TRPS1: variants seen among roughly 807,000 people sequenced by gnomAD.
TRPS1 encodes zinc finger transcription factor Trps1.
Under a neutral mutation model 101.2 loss-of-function variants are expected in TRPS1, and 6 were observed. That is an observed-to-expected ratio of 0.06 (90% CI 0.03 to 0.12). The LOEUF (loss-of-function observed/expected upper bound fraction) is 0.12. Among genes scored for constraint, TRPS1 ranks in the 10% least tolerant of loss-of-function variants. TRPS1 has a pLI of 1.00. For missense variants in TRPS1, 1,363 were observed against 1,567.0 expected, an observed-to-expected ratio of 0.87 and a Z score of 2.20; for synonymous variants, 578 against 589.8, an observed-to-expected ratio of 0.98 and a Z score of 0.29.
At chr8:115,658,312 C>G (rs557737097) in intron 1 of TRPS1, among the ~76,000 whole-genome samples, 2 of 151,990 alleles carry the variant, frequency 1.3e-5, no homozygotes, top group Non-Finnish European at 2.9e-5. Flanking sequence ...CACGCAAAGC[C>G]GGAACTGATG....
chr8:115,449,982 CACACACAGACAT>C (rs1813827459), intron 5 of TRPS1, among the ~76,000 whole-genome samples: 1 of 151,758 alleles, frequency 6.6e-6, no homozygotes, highest in African/African-American at 2.4e-5. Context: ...CACACACACA[CACACACAGACAT>C]ACACACACAG....
At chr8:115,491,089 G>C (rs1226809544) in intron 5 of TRPS1, among the ~76,000 whole-genome samples, 1 of 152,134 alleles carries the variant, frequency 6.6e-6, no homozygotes, top group Admixed American at 6.5e-5. Flanking sequence ...CCCTTCTGAG[G>C]TGCTAACTGG....
At chr8:115,525,654 A>C (rs1047823387) in intron 5 of TRPS1, among the ~76,000 whole-genome samples, 13 of 152,312 alleles carry the variant, frequency 8.5e-5, no homozygotes, top group Admixed American at 7.8e-4. Context: ...TTAGAAACAA[A>C]GCTTCTGAAT....
chr8:115,421,433 T>C (rs1032468596), intron 5 of TRPS1, among the ~76,000 whole-genome samples: 1 of 152,240 alleles, frequency 6.6e-6, no homozygotes, highest in African/African-American at 2.4e-5. Flanking sequence ...TGAATCTTGT[T>C]ATTGAATATT....
intron 1 of TRPS1, among the ~76,000 whole-genome samples, chr8:115,661,890 T>C (rs148080419): frequency 3.3e-5 from 5 of 152,086 alleles, no homozygotes; most frequent in African/African-American, 9.6e-5. Context: ...TGCTAAACTT[T>C]ATTGCTTTTC....
At chr8:115,460,489 A>C (rs1211925146) in intron 5 of TRPS1, among the ~76,000 whole-genome samples, 2 of 152,072 alleles carry the variant, frequency 1.3e-5, no homozygotes, top group Admixed American at 6.6e-5. Context: ...CCTGAATAAT[A>C]GATAAATATT....
intron 3 of TRPS1, among the ~76,000 whole-genome samples, chr8:115,608,336 C>T (rs528942795): frequency 1.3e-5 from 2 of 152,126 alleles, no homozygotes; most frequent in Admixed American, 6.5e-5. Flanking sequence ...CGTATTTATC[C>T]CTCTAATTAG....
At chr8:115,461,625 CAATT>C (rs1814181635) in intron 5 of TRPS1, among the ~76,000 whole-genome samples, 1 of 152,094 alleles carries the variant, frequency 6.6e-6, no homozygotes, top group Non-Finnish European at 1.5e-5. Flanking sequence ...TCTCTTAAGT[CAATT>C]AATATTTCTG....
At chr8:115,625,981 A>T (rs1190092945) in intron 1 of TRPS1, among the ~76,000 whole-genome samples, 2 of 151,916 alleles carry the variant, frequency 1.3e-5, no homozygotes, top group East Asian at 3.8e-4. Flanking sequence ...AAGAAAAGTC[A>T]TCGATGGTCT....
intron 5 of TRPS1, among the ~76,000 whole-genome samples, chr8:115,523,408 T>C (rs1815916323): frequency 6.6e-6 from 1 of 152,066 alleles, no homozygotes; most frequent in Non-Finnish European, 1.5e-5. Flanking sequence ...TATGAACATG[T>C]GGGTACATGT....
At chr8:115,452,544 T>A (rs1457433860) in intron 5 of TRPS1, among the ~76,000 whole-genome samples, 1 of 152,242 alleles carries the variant, frequency 6.6e-6, no homozygotes, top group African/African-American at 2.4e-5. Flanking sequence ...TTCTGACAGA[T>A]ATAAGACAGT....
intron 3 of TRPS1, among the ~76,000 whole-genome samples, chr8:115,611,947 T>A (rs1203078362): frequency 6.6e-6 from 1 of 152,158 alleles, no homozygotes; most frequent in Admixed American, 6.5e-5. Context: ...TAAGCAAGTA[T>A]AATTAGATGA....
At chr8:115,547,530 C>CATCACACACAGGTTAGTGTTTCAA (rs1331353979) in intron 5 of TRPS1, among the ~76,000 whole-genome samples, 3 of 152,156 alleles carry the variant, frequency 2.0e-5, no homozygotes, top group African/African-American at 7.2e-5. Context: ...TCATTAAACG[C>CATCACACACAGGTTAGTGTTTCAA]ATCACACACA....
In TRPS1 at chr8:115,604,476, T is replaced by A. The variant is rs1441952451; in HGVS notation, c.1493A>T (p.Asp498Val). Residue 498 changes from aspartate (D) to valine (V), a missense_variant, in exon 4 of 7, where the codon GAT becomes GTT. Transcript: ENST00000395715. The surrounding 1 kb of genome is among the most constrained non-coding windows in gnomAD (Gnocchi z 4.1). ...LSRGSVINQN[D>V]LAKSSEGETM... ...CTCTCCTTCTGAACTTTTGGCTAGA[T>A]CATTCTGATTAATGACAGAGCCCCT... 1 of 1,614,092 alleles carries A rather than the reference T, an allele frequency of 6.2e-7. No individual in the cohort carries two copies. Among genetic ancestry groups the A allele is most frequent in the Non-Finnish European group, 8.5e-7 (1 of 1,179,998 alleles).
chr8:115,450,732 A>C (rs140020142), intron 5 of TRPS1, among the ~76,000 whole-genome samples: 162 of 152,292 alleles, frequency 1.1e-3, no homozygotes, highest in African/African-American at 3.8e-3. Flanking sequence ...CAGCAGTGAA[A>C]AGTGGTTCCA....
intron 5 of TRPS1, among the ~76,000 whole-genome samples, chr8:115,445,077 ATCACCCT>A (rs1479781740): frequency 6.6e-6 from 1 of 152,102 alleles, no homozygotes; most frequent in African/African-American, 2.4e-5. Flanking sequence ...TCAATTACCC[ATCACCCT>A]TCTCTGAACC....
chr8:115,511,284 ACTG>A (rs1454412712), intron 5 of TRPS1: 3 of 151,922 alleles, frequency 2.0e-5, no homozygotes, highest in Admixed American at 2.0e-4. Context: ...AATAAATCAT[ACTG>A]CTGCTGAGAA....
chr8:115,620,147 G>A, intron 2 of TRPS1, 87 bp from the exon 3 acceptor site: 1 of 1,320,664 alleles, frequency 7.6e-7, no homozygotes, highest in East Asian at 2.3e-5. Context: ...ACTTATGTGA[G>A]TTTTTTAAGG....
intron 5 of TRPS1, among the ~76,000 whole-genome samples, chr8:115,563,572 G>A (rs529410995): frequency 6.6e-6 from 1 of 152,180 alleles, no homozygotes; most frequent in African/African-American, 2.4e-5. Flanking sequence ...CACTATCTTA[G>A]AGAAATTTAT....
Sources: gnomAD v4.1 joint callset for allele counts (sites outside exome capture counted in the v4.1 genomes callset) on GRCh38, gnomAD v4.1.1 for gene constraint, Gnocchi (gnomAD v3.1) non-coding constraint, MANE v1.5 for transcripts, NCBI Gene and HGNC (gene_info 2026-07-23, HGNC 2026-07-21) for gene names.